Variants in DNAH11 observed in about 807,000 individuals in gnomAD.
The protein encoded by DNAH11 is axonemal beta dynein heavy chain 11.
In DNAH11, 442 loss-of-function variants were observed where a neutral mutation model predicts 526.0. The ratio of observed to expected loss-of-function variants is 0.84; its 90% CI spans 0.78 to 0.91. DNAH11 has a LOEUF of 0.91. DNAH11 is among the 40% of genes least tolerant of loss of function. The pLI is 0.00. For missense variants in DNAH11, 6,989 were observed against 5,448.7 expected (o/e 1.28, Z -8.90); for synonymous variants, 2,461 against 1,935.9 (o/e 1.27, Z -7.12).
At position 21,773,674 on chromosome 7, in the gene DNAH11, T is replaced by A. The variant is rs146453469; in HGVS notation, c.9103-92T>A. ...ATACTATCATTTTTTTTTCTGACTTTTAGAAAAAAAATGATCATTTACTTG... is the reference window on the plus strand; with the variant it reads ...ATACTATCATTTTTTTTTCTGACTTATAGAAAAAAAATGATCATTTACTTG... On this transcript the variant is annotated intron_variant, in intron 55 of 81. Coordinates refer to ENST00000409508, the MANE Select transcript of DNAH11 (RefSeq NM_001277115.2). 832 of 1,000,702 alleles carry A rather than the reference T, an allele frequency of 8.3e-4. 5 individuals carry two copies. The African/African-American group carries it at 0.013, about 16-fold the overall frequency. 62.0% of individuals were successfully genotyped at this position (1,000,702 alleles called of 1,614,324 possible). A position where few individuals can be genotyped will look rare whatever the true frequency, so the allele number is the denominator to read the frequency against.
chr7:21,602,110 C>T (rs189888723), intron 18 of DNAH11, among the ~76,000 whole-genome samples: 2 of 152,134 alleles, frequency 1.3e-5, no homozygotes, highest in Admixed American at 1.3e-4. Flanking sequence ...GAGGCTGAGG[C>T]AGGCAGATCA....
chr7:21,598,377 T>C (rs1784944765), intron 14 of DNAH11, among the ~76,000 whole-genome samples: 1 of 152,174 alleles, frequency 6.6e-6, no homozygotes, highest in African/African-American at 2.4e-5. Context: ...CACTGCGTGC[T>C]CAACCTGTAG....
Position 21,658,778 on chromosome 7 carries a change from A to G in DNAH11, c.5095-20A>G. ...TCCATAGTTAAGCCTGTGTTATAAC[A>G]TTTCAACTTGCTTCCAAAGGTGGAA... On this transcript the variant is annotated intron_variant, in intron 29 of 81. Coordinates refer to ENST00000409508, the MANE Select transcript of DNAH11 (RefSeq NM_001277115.2). 4 of 1,541,278 alleles carry G rather than the reference A, an allele frequency of 2.6e-6. No individual in the cohort carries two copies. Among genetic ancestry groups the G allele is most frequent in the Non-Finnish European group, 3.5e-6 (4 of 1,139,320 alleles).
chr7:21,599,992 A>G lies in DNAH11; in HGVS notation c.2873A>G (p.Lys958Arg). The G allele has an allele frequency of 6.2e-7, 1 of 1,613,808 alleles. No individual in the cohort carries two copies. Among genetic ancestry groups the G allele is most frequent in the Non-Finnish European group, 8.5e-7 (1 of 1,179,824 alleles). ...MILLPPEIVF[K>R]PSLDREAGDG... ...TTGTTGCCTCCTGAGATTGTGTTTA[A>G]ACCTTCCCTAGACAGAGAGGCTGGG... Residue 958 changes from lysine (K) to arginine (R), a missense_variant, in exon 15 of 82, where the codon AAA becomes AGA. Lys to Arg is a conservative substitution (Grantham distance 26). Transcript: ENST00000409508.
Position 21,779,110 on chromosome 7 carries a change from GC to G in DNAH11, c.9483+7del. ...CTGATGCTGAGGAGCGAAAGGTCAG[GC>G]TAATTCCAACATTTAGAGTGCGGAG... On this transcript the variant is annotated splice_region_variant and intron_variant, in intron 57 of 81. Coordinates refer to ENST00000409508, the MANE Select transcript of DNAH11 (RefSeq NM_001277115.2). The G allele has an allele frequency of 8.7e-6, 14 of 1,610,228 alleles. No individual in the cohort carries two copies. The highest frequency in any genetic ancestry group is 1.2e-5 in the Non-Finnish European group (14 of 1,177,150).
chr7:21,570,007 C>A, intron 6 of DNAH11, 62 bp from the exon 7 acceptor site: 2 of 1,293,332 alleles, frequency 1.5e-6, no homozygotes, highest in South Asian at 3.1e-5. Context: ...GAAACAGAGA[C>A]GGTTACAGGG....
Position 21,638,950 on chromosome 7 carries a change from G to A in DNAH11, c.4829G>A (p.Cys1610Tyr), listed in dbSNP as rs750959340. The A allele has an allele frequency of 6.2e-7, 1 of 1,609,392 alleles. No homozygotes were observed. Among genetic ancestry groups the A allele is most frequent in the East Asian group, 2.2e-5 (1 of 44,836 alleles). The change falls in exon 28 of 82, where the codon TGT (cysteine) becomes TAT (tyrosine). Residue 1610 changes from cysteine (C) to tyrosine (Y), a missense_variant. Coordinates refer to ENST00000409508, the MANE Select transcript of DNAH11 (RefSeq NM_001277115.2). ...LKDLQSRLSL[C>Y]EKALAEYLET... ...TTTCATTCATGTAGGCTTTCTCTTT[G>A]TGAAAAAGCTCTCGCTGAATACCTG...
intron 30 of DNAH11, among the ~76,000 whole-genome samples, chr7:21,673,879 T>C (rs767804672): frequency 1.1e-4 from 17 of 152,134 alleles, no homozygotes; most frequent in Non-Finnish European, 1.8e-4. Context: ...TTCCTACTTC[T>C]TCACATACTC....
chr7:21,891,187 A>G (rs150348756), intron 76 of DNAH11, among the ~76,000 whole-genome samples: 10 of 152,180 alleles, frequency 6.6e-5, no homozygotes, highest in Admixed American at 6.5e-5. Flanking sequence ...TGGTGGGTAC[A>G]TATTACTGAA....
At chr7:21,565,745 A>G (rs1474543713) in intron 6 of DNAH11, among the ~76,000 whole-genome samples, 1 of 152,188 alleles carries the variant, frequency 6.6e-6, no homozygotes, top group Non-Finnish European at 1.5e-5. Flanking sequence ...ATTCAAAGAT[A>G]ACCTAAGTGA....
chr7:21,565,135 T>C (rs893427177), intron 6 of DNAH11, among the ~76,000 whole-genome samples: 1 of 152,156 alleles, frequency 6.6e-6, no homozygotes, highest in African/African-American at 2.4e-5. Context: ...GAAATTTATT[T>C]TCTCACAGTT....
At chr7:21,734,281 G>A (rs1274037042) in intron 45 of DNAH11, among the ~76,000 whole-genome samples, 1 of 152,202 alleles carries the variant, frequency 6.6e-6, no homozygotes, top group Non-Finnish European at 1.5e-5. Flanking sequence ...TACATGTAAA[G>A]TGCTTAGCAT....
chr7:21,870,610 TAGG>T (rs1732477559), intron 73 of DNAH11, among the ~76,000 whole-genome samples: 1 of 152,202 alleles, frequency 6.6e-6, no homozygotes, highest in Non-Finnish European at 1.5e-5. Context: ...GAGAGAACAC[TAGG>T]AGGGCTATAG....
chr7:21,833,039 CTAAAT>C (rs1399399325), intron 65 of DNAH11, among the ~76,000 whole-genome samples: 6 of 152,212 alleles, frequency 3.9e-5, no homozygotes, highest in African/African-American at 7.2e-5. Flanking sequence ...ACACAAATCT[CTAAAT>C]TAACCTGACT....
chr7:21,873,295 T>A lies in DNAH11; in HGVS notation c.11989T>A (p.Trp3997Arg). Residue 3997 changes from tryptophan (W) to arginine (R), a missense_variant, in exon 74 of 82, where the codon TGG (tryptophan) becomes AGG (arginine). Trp to Arg is a moderately radical substitution (Grantham distance 101, BLOSUM62 -3). Transcript: ENST00000409508. ...TCAGAATGTTCATTTGGTAGCCAAG[T>A]GGCTAGGAACCTTGGAGAAGCTCCT... ...ILQNVHLVAK[W>R]LGTLEKLLER... 6.3e-7 allele frequency: 1 copy of A among 1,598,190 alleles called. No individual in the cohort carries two copies. The highest frequency in any genetic ancestry group is 1.3e-5 in the African/African-American group (1 of 74,840).
At chr7:21,700,364 G>A (rs1209133799) in intron 36 of DNAH11, among the ~76,000 whole-genome samples, 1 of 152,210 alleles carries the variant, frequency 6.6e-6, no homozygotes, top group Non-Finnish European at 1.5e-5. Flanking sequence ...AAATGGGTTT[G>A]GGAAAAGAAT....
At chr7:21,869,973 C>T (rs1477071639) in intron 73 of DNAH11, among the ~76,000 whole-genome samples, 1 of 152,200 alleles carries the variant, frequency 6.6e-6, no homozygotes, top group Admixed American at 6.5e-5. Flanking sequence ...AGCTGTCTCA[C>T]TAGGTCTAGG....
intron 74 of DNAH11, among the ~76,000 whole-genome samples, chr7:21,874,569 C>T (rs536997176): frequency 6.6e-6 from 1 of 152,218 alleles, no homozygotes; most frequent in East Asian, 1.9e-4. Context: ...CTCCTGACCT[C>T]AGGTGATCTG....
chr7:21,754,569 C>T (rs1308614759), intron 54 of DNAH11, among the ~76,000 whole-genome samples: 2 of 151,764 alleles, frequency 1.3e-5, no homozygotes, highest in Non-Finnish European at 2.9e-5. Context: ...TAATTTCCCC[C>T]CCCACCCCAT....
Sources: gnomAD v4.1 joint callset for allele counts (sites outside exome capture counted in the v4.1 genomes callset) on GRCh38, gnomAD v4.1.1 for gene constraint, MANE v1.5 for transcripts, NCBI Gene and HGNC (gene_info 2026-07-23, HGNC 2026-07-21) for gene names.